ARHGAP15: variants seen among roughly 807,000 people sequenced by gnomAD.
ARHGAP15 encodes the protein rho GTPase-activating protein 15.
Under a neutral mutation model 63.7 loss-of-function variants are expected in ARHGAP15, and 51 were observed. The observed-to-expected ratio is 0.80, with a 90% CI of 0.64 to 1.01. The LOEUF (loss-of-function observed/expected upper bound fraction) is 1.01, where lower values mean the gene tolerates loss of function less well. ARHGAP15 is among the 50% of genes least tolerant of loss of function. The probability of loss-of-function intolerance (pLI) is 0.00; values close to 1 mark genes in which losing one functional copy is unlikely to be tolerated. For synonymous variants in ARHGAP15, 191 were observed against 193.8 expected (o/e 0.99, Z 0.12); for missense variants, 560 against 564.6 (o/e 0.99, Z 0.08).
chr2:143,502,120 T>G (rs948272276), intron 9 of ARHGAP15, among the ~76,000 whole-genome samples: 1 of 152,022 alleles, frequency 6.6e-6, no homozygotes, highest in Non-Finnish European at 1.5e-5. Context: ...TAAAAGACTT[T>G]GGGTTTGGCT....
At chr2:143,199,092 A>T (rs552475931) in intron 2 of ARHGAP15, among the ~76,000 whole-genome samples, 3 of 152,164 alleles carry the variant, frequency 2.0e-5, no homozygotes, top group Non-Finnish European at 2.9e-5. Context: ...CTGTTTTTAA[A>T]GAGGTTTAGA....
chr2:143,206,601 A>T (rs527769106), intron 3 of ARHGAP15, among the ~76,000 whole-genome samples: 1 of 152,130 alleles, frequency 6.6e-6, no homozygotes, highest in South Asian at 2.1e-4. Context: ...GCCCCATCAC[A>T]CTAAAATTGC....
intron 6 of ARHGAP15, among the ~76,000 whole-genome samples, chr2:143,381,182 C>A (rs1010823767): frequency 8.5e-5 from 13 of 152,112 alleles, no homozygotes; most frequent in African/African-American, 3.1e-4. Context: ...TCTCTTTTTG[C>A]TGAATATTAT....
intron 6 of ARHGAP15, among the ~76,000 whole-genome samples, chr2:143,305,112 G>A (rs946659780): frequency 1.3e-5 from 2 of 152,038 alleles, no homozygotes; most frequent in African/African-American, 4.8e-5. Context: ...TAAAGAAAAT[G>A]TGGCATATAT....
chr2:143,240,075 T>C (rs34280666), intron 5 of ARHGAP15, among the ~76,000 whole-genome samples: 24,912 of 139,522 alleles, frequency 0.18, 2,253 homozygotes, highest in Middle Eastern at 0.28. Flanking sequence ...ACGTAGGAGG[T>C]CGAAGCAGGA....
intron 1 of ARHGAP15, among the ~76,000 whole-genome samples, chr2:143,141,934 G>A (rs906210021): frequency 1.3e-5 from 2 of 152,070 alleles, no homozygotes; most frequent in African/African-American, 4.8e-5. Flanking sequence ...AAGTGGGTAG[G>A]AGAGGACCTG....
intron 7 of ARHGAP15, among the ~76,000 whole-genome samples, chr2:143,436,303 G>C (rs1183027110): frequency 6.6e-6 from 1 of 151,948 alleles, no homozygotes; most frequent in Non-Finnish European, 1.5e-5. Context: ...CAAAATTTTG[G>C]GAAGAAATAT....
At chr2:143,710,485 C>G (rs1684534172) in intron 13 of ARHGAP15, among the ~76,000 whole-genome samples, 1 of 152,192 alleles carries the variant, frequency 6.6e-6, no homozygotes, top group African/African-American at 2.4e-5. Flanking sequence ...GTTCAGTGAT[C>G]CTTCCAGCAG....
At chr2:143,609,480 A>G (rs762903287) in intron 11 of ARHGAP15, among the ~76,000 whole-genome samples, 1 of 152,164 alleles carries the variant, frequency 6.6e-6, no homozygotes, top group Non-Finnish European at 1.5e-5. Flanking sequence ...ATGCGTGTAC[A>G]TGTTTTTCTT....
chr2:143,610,973 A>C (rs1188645175), intron 11 of ARHGAP15, among the ~76,000 whole-genome samples: 1 of 151,862 alleles, frequency 6.6e-6, no homozygotes, highest in Non-Finnish European at 1.5e-5. Flanking sequence ...AAGTGATCCA[A>C]CCACCTTGGC....
intron 6 of ARHGAP15, among the ~76,000 whole-genome samples, chr2:143,254,499 C>A (rs1393109138): frequency 2.0e-5 from 3 of 151,684 alleles, no homozygotes; most frequent in African/African-American, 7.3e-5. Context: ...TGAACACAAA[C>A]CTTTCTGAGT....
intron 6 of ARHGAP15, among the ~76,000 whole-genome samples, chr2:143,302,888 A>G (rs1203335443): frequency 1.3e-5 from 2 of 151,936 alleles, no homozygotes; most frequent in Non-Finnish European, 2.9e-5. Context: ...AGATAAATAT[A>G]ATAATTCTGC....
chr2:143,630,223 T>C (rs1186165292), intron 12 of ARHGAP15, among the ~76,000 whole-genome samples: 3 of 152,148 alleles, frequency 2.0e-5, no homozygotes, highest in African/African-American at 7.2e-5. Context: ...AAAGCATTCA[T>C]GCCTTAAATG....
At chr2:143,494,903 C>G (rs1227273463) in intron 9 of ARHGAP15, among the ~76,000 whole-genome samples, 5 of 152,170 alleles carry the variant, frequency 3.3e-5, no homozygotes, top group African/African-American at 9.7e-5. Context: ...GTCAATTTTT[C>G]AGCTCCATTT....
intron 6 of ARHGAP15, among the ~76,000 whole-genome samples, chr2:143,337,460 T>C (rs1684855269): frequency 6.6e-6 from 1 of 152,210 alleles, no homozygotes. Context: ...TTGCATTACG[T>C]TCTGGATTCA....
intron 11 of ARHGAP15, among the ~76,000 whole-genome samples, chr2:143,581,756 T>G (rs1432200322): frequency 6.6e-6 from 1 of 152,178 alleles, no homozygotes; most frequent in Non-Finnish European, 1.5e-5. Context: ...AATGGCACAT[T>G]CTGTCGCTAT....
At chr2:143,529,342 C>T (rs1694423640) in intron 10 of ARHGAP15, among the ~76,000 whole-genome samples, 1 of 152,106 alleles carries the variant, frequency 6.6e-6, no homozygotes, top group Non-Finnish European at 1.5e-5. Flanking sequence ...CTTTCACTTT[C>T]TGTGACCTTG....
chr2:143,694,180 T>C (rs1683740313), intron 12 of ARHGAP15, among the ~76,000 whole-genome samples: 2 of 150,766 alleles, frequency 1.3e-5, no homozygotes, highest in South Asian at 4.2e-4. Flanking sequence ...GCTAATATTT[T>C]CAAGAAACTA....
intron 1 of ARHGAP15, among the ~76,000 whole-genome samples, chr2:143,150,864 CA>C (rs1319261724): frequency 2.6e-5 from 4 of 151,854 alleles, no homozygotes; most frequent in Non-Finnish European, 5.9e-5. Context: ...TGAAGAGGCA[CA>C]TAGATCAAGC....
Sources: allele counts gnomAD v4.1 joint callset (sites outside exome capture counted in the v4.1 genomes callset), GRCh38; gene constraint gnomAD v4.1.1; transcripts MANE v1.5; gene names NCBI Gene and HGNC (gene_info 2026-07-23, HGNC 2026-07-21).